The following HNRNPA1L2 variants were observed in gnomAD, a reference collection of about 807,000 sequenced individuals.
The protein encoded by HNRNPA1L2 is heterogeneous nuclear ribonucleoprotein A1-like 2.
A neutral mutation model predicts 18.2 loss-of-function variants in HNRNPA1L2; 10 were observed. That is an observed-to-expected ratio of 0.55 (90% confidence interval 0.34 to 0.93). The LOEUF is 0.93. Ranked by LOEUF, HNRNPA1L2 falls within the 40% of genes least tolerant of loss-of-function variation. HNRNPA1L2 has a pLI of 0.02. For synonymous variants in HNRNPA1L2, 124 were observed against 138.6 expected, an observed-to-expected ratio of 0.89 and a Z score of 0.74; for missense variants, 308 against 394.4, an observed-to-expected ratio of 0.78 and a Z score of 1.85.
chr13:52,636,593 TTGA>T, the HNRNPA1L2 span, among the ~76,000 whole-genome samples: 1 of 152,244 alleles, frequency 6.6e-6, no homozygotes, highest in Non-Finnish European at 1.5e-5. Flanking sequence ...TGTTATTCTG[TTGA>T]TCTAACTTCT....
chr13:52,621,811 C>T, the HNRNPA1L2 span, among the ~76,000 whole-genome samples: 3 of 151,914 alleles, frequency 2.0e-5, no homozygotes, highest in South Asian at 2.1e-4. Context: ...ACATATTGCA[C>T]GAGGTTGAGG....
chr13:52,633,192 T>C, the HNRNPA1L2 span, among the ~76,000 whole-genome samples: 1 of 152,324 alleles, frequency 6.6e-6, no homozygotes, highest in East Asian at 1.9e-4. Flanking sequence ...CATAAAGACA[T>C]AGTGGTTCCT....
the HNRNPA1L2 span, chr13:52,617,705 G>C: frequency 2.3e-6 from 1 of 438,000 alleles, no homozygotes; most frequent in Non-Finnish European, 4.2e-6. Flanking sequence ...AGCACTTTTG[G>C]CTCCGCAGGT....
At chr13:52,640,426 T>C (rs1441186982), upstream of HNRNPA1L2, among the ~76,000 whole-genome samples, 2 of 152,174 alleles carry the variant, frequency 1.3e-5, no homozygotes, top group Non-Finnish European at 2.9e-5. Flanking sequence ...CAGGCCCTGC[T>C]CCAGACCTAA....
chr13:52,630,088 A>G, the HNRNPA1L2 span, among the ~76,000 whole-genome samples: 1 of 152,126 alleles, frequency 6.6e-6, no homozygotes, highest in South Asian at 2.1e-4. Context: ...ATTTGTGGCT[A>G]TTTGAAATTA....
the HNRNPA1L2 span, among the ~76,000 whole-genome samples, chr13:52,626,505 G>A: frequency 6.7e-6 from 1 of 149,866 alleles, no homozygotes; most frequent in South Asian, 2.1e-4. Context: ...ATATTAACTT[G>A]CTCTAATTTA....
chr13:52,627,228 A>G, the HNRNPA1L2 span, among the ~76,000 whole-genome samples: 2 of 152,176 alleles, frequency 1.3e-5, no homozygotes, highest in African/African-American at 2.4e-5. Flanking sequence ...CCACCTTAAT[A>G]TATTGTTCTG....
rs1370694958 is a variant in HNRNPA1L2 at position 52,643,059 on chromosome 13, T to G, written c.567T>G (p.Ala189=). The change falls in exon 1 of 1, where the codon GCT becomes GCG. Residue 189 remains alanine (A), a synonymous_variant. Transcript: ENST00000357495. Reference sequence around the variant, plus strand: ...TGCCAAAGCAAGAGATGGCTAGTGCTTCATCCAGCCAAAGAGGTCGAAGGG... The same window carrying G: ...TGCCAAAGCAAGAGATGGCTAGTGCGTCATCCAGCCAAAGAGGTCGAAGGG... The part of the protein sequence containing the change: ...KALPKQEMAS[A]SSSQRGRRGS... The G allele has an allele frequency of 3.1e-6, 5 of 1,597,420 alleles. No individual in the cohort carries two copies. Among genetic ancestry groups the G allele is most frequent in the African/African-American group, 2.7e-5 (2 of 74,800 alleles).
the HNRNPA1L2 span, among the ~76,000 whole-genome samples, chr13:52,620,969 T>G: frequency 2.0e-5 from 3 of 152,210 alleles, no homozygotes; most frequent in African/African-American, 7.2e-5. Flanking sequence ...ATGAAATTCT[T>G]ATTTACTAAT....
chr13:52,619,919 CAAAAAAAAAAAAAA>C, the HNRNPA1L2 span, among the ~76,000 whole-genome samples: 5 of 69,148 alleles, frequency 7.2e-5, no homozygotes, highest in African/African-American at 2.8e-4. Flanking sequence ...GATTCCGTCT[CAAAAAAAAAAAAAA>C]AAAAAAAAAA....
the HNRNPA1L2 span, among the ~76,000 whole-genome samples, chr13:52,620,111 T>G: frequency 6.6e-6 from 1 of 152,156 alleles, no homozygotes; most frequent in African/African-American, 2.4e-5. Context: ...TTTCAGCATT[T>G]TTTGAAATTG....
the HNRNPA1L2 span, among the ~76,000 whole-genome samples, chr13:52,634,540 A>G: frequency 2.6e-5 from 4 of 152,254 alleles, no homozygotes; most frequent in African/African-American, 9.6e-5. Flanking sequence ...GTAGAAGAAT[A>G]GCAACATATG....
At chr13:52,635,598 AC>A in the HNRNPA1L2 span, among the ~76,000 whole-genome samples, 2 of 148,208 alleles carry the variant, frequency 1.3e-5, no homozygotes, top group South Asian at 4.2e-4. Flanking sequence ...ACACACACAC[AC>A]ACACACACAC....
rs527515025 is a variant in HNRNPA1L2, at chr13:52,642,699, T to C, written c.207T>C (p.Asp69=). The change falls in exon 1 of 1, where the codon GAT becomes GAC. Residue 69 remains aspartate, a synonymous_variant. Coordinates refer to ENST00000357495, the MANE Select transcript of HNRNPA1L2 (RefSeq NM_001389320.1). The part of the protein sequence containing the change: ...FVTYATVEEV[D]AAMNTTPHKV... ...CATATGCCACTGTGGAGGAGGTGGA[T>C]GCAGCTATGAATACAACGCCACACA... 10 of 1,607,272 alleles carry C rather than the reference T, an allele frequency of 6.2e-6. No homozygotes were observed. The African/African-American group carries it at 9.3e-5, about 15-fold the overall frequency.
the HNRNPA1L2 span, among the ~76,000 whole-genome samples, chr13:52,636,349 G>C: frequency 6.6e-6 from 1 of 152,296 alleles, no homozygotes; most frequent in African/African-American, 2.4e-5. Flanking sequence ...AAGCCATCAA[G>C]CTGTTTTCCA....
At chr13:52,634,550 G>A in the HNRNPA1L2 span, among the ~76,000 whole-genome samples, 1 of 152,124 alleles carries the variant, frequency 6.6e-6, no homozygotes, top group South Asian at 2.1e-4. Flanking sequence ...AGCAACATAT[G>A]GAAACTTAAA....
At chr13:52,641,887 A>T (rs1282295365), upstream of HNRNPA1L2, 1 of 152,228 alleles carries the variant, frequency 6.6e-6, no homozygotes, top group African/African-American at 2.4e-5. Flanking sequence ...AAAAGTCAGG[A>T]GTTTGGAGGC....
At chr13:52,641,950 C>T (rs1961671350), upstream of HNRNPA1L2, 1 of 153,072 alleles carries the variant, frequency 6.5e-6, no homozygotes, top group African/African-American at 2.4e-5. Context: ...AACTAGGTTT[C>T]TCCATCCTTA....
the HNRNPA1L2 span, among the ~76,000 whole-genome samples, chr13:52,625,647 A>G: frequency 2.0e-5 from 3 of 152,246 alleles, no homozygotes; most frequent in Non-Finnish European, 1.5e-5. Flanking sequence ...TCAAATACAT[A>G]TATTAAAATT....
Sources: allele counts gnomAD v4.1 joint callset (sites outside exome capture counted in the v4.1 genomes callset), GRCh38; gene constraint gnomAD v4.1.1; transcripts MANE v1.5; gene names NCBI Gene and HGNC (gene_info 2026-07-23, HGNC 2026-07-21).